The following THSD4 variants were observed in gnomAD, a reference collection of about 807,000 sequenced individuals.
THSD4 encodes the protein thrombospondin type-1 domain-containing protein 4.
Under a neutral mutation model 119.0 loss-of-function variants are expected in THSD4, and 69 were observed. The observed-to-expected ratio is 0.58, with a 90% CI of 0.48 to 0.71. THSD4 has a LOEUF of 0.71. Among genes scored for constraint, THSD4 ranks in the 30% least tolerant of loss-of-function variants. The probability of loss-of-function intolerance (pLI) is 0.00; values close to 1 mark genes in which losing one functional copy is unlikely to be tolerated. For synonymous variants in THSD4, 524 were observed against 540.4 expected (o/e 0.97, Z 0.42); for missense variants, 1,393 against 1,391.1 (o/e 1.00, Z -0.02).
chr15:71,345,796 TTG>T lies in THSD4; in HGVS notation c.1016-65889_1016-65888del, dbSNP rs869208829. Among the ~76,000 whole-genome samples the T allele has an allele frequency of 1.0e-3, 140 of 136,430 alleles. 1 individual carries two copies. Among genetic ancestry groups the T allele is most frequent in the East Asian group, 2.5e-3 (11 of 4,460 alleles). The allele number at this position is 136,430 out of a possible 152,430, so 89.5% of individuals were successfully genotyped here. A position where few individuals can be genotyped will look rare whatever the true frequency, so the allele number is the denominator to read the frequency against. On this transcript the variant is annotated intron_variant, in intron 6 of 17. Transcript: ENST00000261862. The stretch of plus-strand genomic sequence containing the variant: ...AAGTGAACATAATTCTTTGGGTGTT[TTG>T]TTTTTTTTTTAATTATTTTACTTTG...
intron 3 of THSD4, among the ~76,000 whole-genome samples, chr15:71,205,121 G>T (rs1472547764): frequency 6.6e-6 from 1 of 152,080 alleles, no homozygotes; most frequent in Non-Finnish European, 1.5e-5. Flanking sequence ...CACTAGGTTT[G>T]GTGTAGGAAC....
At chr15:71,458,762 T>C (rs1355421842) in intron 7 of THSD4, among the ~76,000 whole-genome samples, 2 of 152,230 alleles carry the variant, frequency 1.3e-5, no homozygotes, top group South Asian at 4.1e-4. Flanking sequence ...GTATTCATCC[T>C]TAGATGTTAT....
At chr15:71,430,647 C>T (rs1370067414) in intron 7 of THSD4, among the ~76,000 whole-genome samples, 5 of 150,790 alleles carry the variant, frequency 3.3e-5, no homozygotes, top group Non-Finnish European at 7.4e-5. Context: ...ATCCCAGCTA[C>T]TCGGGAGGCT....
intron 3 of THSD4, among the ~76,000 whole-genome samples, chr15:71,160,276 CT>C (rs932266149): frequency 6.6e-6 from 1 of 151,392 alleles, no homozygotes; most frequent in African/African-American, 2.4e-5. Flanking sequence ...CCATAGTTTT[CT>C]TTTTTTTGTT....
chr15:71,405,511 G>T (rs2140491763), intron 6 of THSD4, among the ~76,000 whole-genome samples: 1 of 152,268 alleles, frequency 6.6e-6, no homozygotes, highest in African/African-American at 2.4e-5. Context: ...AAATGTAAGG[G>T]TTTATATCTA....
rs558008873 is a variant in THSD4 at position 71,482,034 on chromosome 15, C to A, written c.1152+70211C>A. Among the ~76,000 whole-genome samples, 6 of 152,314 alleles carry A rather than the reference C, an allele frequency of 3.9e-5. No individual in the cohort carries two copies. The East Asian group carries it at 1.2e-3, about 29-fold the overall frequency. ...AGAAAACATGGGGTAAAAAAATAAT[C>A]CCTGCTCCTTCTGGCCATAGTCTGA... On this transcript the variant is annotated intron_variant, in intron 7 of 17. Coordinates refer to ENST00000261862, the MANE Select transcript of THSD4 (RefSeq NM_024817.3).
intron 4 of THSD4, among the ~76,000 whole-genome samples, chr15:71,231,572 C>A (rs2044061794): frequency 6.6e-6 from 1 of 152,150 alleles, no homozygotes; most frequent in South Asian, 2.1e-4. Flanking sequence ...TCATTCCTTC[C>A]TGTGGCCATA....
chr15:71,243,834 G>T (rs2044175932), intron 5 of THSD4, among the ~76,000 whole-genome samples: 3 of 135,568 alleles, frequency 2.2e-5, no homozygotes, highest in African/African-American at 8.4e-5. Flanking sequence ...ACCCAGGCTG[G>T]AGCACAGTGG....
chr15:71,660,487 C>T (rs2051279742), intron 7 of THSD4, 43 bp from the exon 8 acceptor site: 1 of 1,611,652 alleles, frequency 6.2e-7, no homozygotes, highest in African/African-American at 1.3e-5. Flanking sequence ...TCTGCATGCT[C>T]CTGATACATA....
intron 7 of THSD4, among the ~76,000 whole-genome samples, chr15:71,535,483 A>G (rs2048677420): frequency 6.6e-6 from 1 of 152,216 alleles, no homozygotes; most frequent in Admixed American, 6.5e-5. Context: ...TTAGGTATAT[A>G]TCTAAAATTG....
At chr15:71,233,491 C>T (rs2044077714) in intron 4 of THSD4, among the ~76,000 whole-genome samples, 3 of 152,120 alleles carry the variant, frequency 2.0e-5, no homozygotes, top group South Asian at 4.1e-4. Flanking sequence ...AAAACACACA[C>T]GCACAAATGA....
At chr15:71,360,948 C>T (rs1292578952) in intron 6 of THSD4, among the ~76,000 whole-genome samples, 1 of 152,108 alleles carries the variant, frequency 6.6e-6, no homozygotes, top group Non-Finnish European at 1.5e-5. Context: ...GAGAGGTATA[C>T]CATACAATTT....
chr15:71,311,501 T>G (rs900369899), intron 6 of THSD4, among the ~76,000 whole-genome samples: 1 of 152,192 alleles, frequency 6.6e-6, no homozygotes, highest in Non-Finnish European at 1.5e-5. Context: ...TTGAACTAAT[T>G]AGAAGAGTGC....
chr15:71,236,528 TAGTTTAAC>T (rs1453824005), intron 4 of THSD4, among the ~76,000 whole-genome samples: 2 of 152,240 alleles, frequency 1.3e-5, no homozygotes, highest in Non-Finnish European at 2.9e-5. Context: ...AGGGCCATAA[TAGTTTAAC>T]AGTCTTTTAA....
intron 6 of THSD4, among the ~76,000 whole-genome samples, chr15:71,358,635 A>G (rs373258048): frequency 7.9e-5 from 12 of 152,364 alleles, no homozygotes; most frequent in East Asian, 3.9e-4. Flanking sequence ...AAATGGAGGC[A>G]AAAATAGGAT....
chr15:71,758,071 G>A lies in THSD4; in HGVS notation c.2585G>A (p.Ser862Asn), dbSNP rs552600669. The A allele has an allele frequency of 1.9e-6, 3 of 1,573,398 alleles. No individual in the cohort carries two copies. Among genetic ancestry groups the A allele is most frequent in the Admixed American group, 1.9e-5 (1 of 53,624 alleles). The change falls in exon 15 of 18, where the codon AGT becomes AAT. Residue 862 changes from serine to asparagine, a missense_variant. Transcript: ENST00000261862. The part of the protein sequence containing the change: ...GKVEWFAGSW[S>N]QCSIECGSGT... ...GTGGAGTGGTTTGCCGGGAGCTGGA[G>A]TCAGGTGAGTGGCCAGAACTGGGTA...
At chr15:71,112,336 T>A, upstream of THSD4, 2 of 1,099,966 alleles carry the variant, frequency 1.8e-6, no homozygotes, top group Non-Finnish European at 2.5e-6. Context: ...AATAATTAAT[T>A]AATAATTATA....
chr15:71,505,643 G>C (rs2048174413), intron 7 of THSD4, among the ~76,000 whole-genome samples: 1 of 152,184 alleles, frequency 6.6e-6, no homozygotes, highest in Admixed American at 6.5e-5. Flanking sequence ...AAATTTAAGT[G>C]GTTCAAGTTT....
intron 7 of THSD4, among the ~76,000 whole-genome samples, chr15:71,487,608 A>C (rs1042727880): frequency 4.6e-5 from 7 of 152,350 alleles, no homozygotes; most frequent in African/African-American, 1.7e-4. Context: ...CCAGCTTAGA[A>C]TCTTTCATGT....
Sources: allele counts gnomAD v4.1 joint callset (sites outside exome capture counted in the v4.1 genomes callset), GRCh38; gene constraint gnomAD v4.1.1; transcripts MANE v1.5; gene names NCBI Gene and HGNC (gene_info 2026-07-23, HGNC 2026-07-21).